ESCO2: variants seen among roughly 807,000 people sequenced by gnomAD.
The protein encoded by ESCO2 is N-acetyltransferase ESCO2.
A neutral mutation model predicts 61.7 loss-of-function variants in ESCO2; 51 were observed. The ratio of observed to expected loss-of-function variants is 0.83; its 90% CI spans 0.66 to 1.04. The LOEUF is 1.04. Ranked by LOEUF, ESCO2 falls within the 50% of genes least tolerant of loss-of-function variation. The pLI is 0.00. For missense variants in ESCO2, 692 were observed against 686.2 expected (o/e 1.01, Z -0.09); for synonymous variants, 230 against 238.2 (o/e 0.97, Z 0.32).
In ESCO2 at chr8:27,776,402, A is replaced by G. The variant is rs1563468344; in HGVS notation, c.94A>G (p.Lys32Glu). ...TGAAAATCTGTTTCCATCACCTAATAAAAAGCACTGTTTTTATCAAAACAG... is the reference window on the plus strand; with the variant it reads ...TGAAAATCTGTTTCCATCACCTAATGAAAAGCACTGTTTTTATCAAAACAG... Reference protein sequence around the residue: ...FTENLFPSPNKKHCFYQNSDK... With the variant: ...FTENLFPSPNEKHCFYQNSDK... The change falls in exon 3 of 11, where the codon AAA becomes GAA. Residue 32 changes from lysine to glutamate, a missense_variant. Coordinates refer to ENST00000305188, the MANE Select transcript of ESCO2 (RefSeq NM_001017420.3). 1.9e-6 allele frequency: 3 copies of G among 1,608,408 alleles called. No homozygotes were observed. Among genetic ancestry groups the G allele is most frequent in the Admixed American group, 1.7e-5 (1 of 59,182 alleles).
chr8:27,792,164 A>G (rs754732288), intron 8 of ESCO2, 112 bp downstream of exon 8: 2 of 972,180 alleles, frequency 2.1e-6, no homozygotes, highest in African/African-American at 1.6e-5. Flanking sequence ...TACCTGCTTA[A>G]TGATTACTTT....
Position 27,777,339 on chromosome 8 carries a change from T to G in ESCO2, c.861+170T>G, listed in dbSNP as rs150499257. ...TATTTATTTTAAGACAGGGTCTTTC[T>G]TTATGACCCAGGCTGTAGTGCAGTG... On this transcript the variant is annotated intron_variant, in intron 3 of 10. Transcript: ENST00000305188. The G allele has an allele frequency of 4.6e-3, 2,785 of 611,588 alleles. 31 individuals are homozygous for G. The highest frequency in any genetic ancestry group is 4.1e-3 in the Non-Finnish European group (1,574 of 385,718). 37.9% of individuals were successfully genotyped at this position (611,588 alleles called of 1,614,324 possible).
At chr8:27,782,522 C>T (rs1804947773) in intron 4 of ESCO2, among the ~76,000 whole-genome samples, 2 of 152,116 alleles carry the variant, frequency 1.3e-5, no homozygotes, top group African/African-American at 4.8e-5. Flanking sequence ...CCTTGGCCTC[C>T]CTTACCTTTC....
chr8:27,817,626 G>T (rs1805844075), downstream of ESCO2, among the ~76,000 whole-genome samples: 1 of 151,488 alleles, frequency 6.6e-6, no homozygotes, highest in Non-Finnish European at 1.5e-5. Context: ...AATATATCAG[G>T]TTATTATAAA....
chr8:27,817,430 T>C, downstream of ESCO2, among the ~76,000 whole-genome samples: 1 of 152,216 alleles, frequency 6.6e-6, no homozygotes, highest in East Asian at 1.9e-4. Flanking sequence ...GCATTTAAAA[T>C]AAGAAAAATA....
rs771411971 is a variant in ESCO2 at position 27,804,335 on chromosome 8, G to A, written c.*897G>A. 20 of 985,366 alleles carry A rather than the reference G, an allele frequency of 2.0e-5. No homozygotes were observed. Among genetic ancestry groups the A allele is most frequent in the South Asian group, 4.7e-5 (1 of 21,282 alleles). The allele number at this position is 985,366 out of a possible 1,614,324, so 61.0% of individuals were successfully genotyped here. A position where few individuals can be genotyped will look rare whatever the true frequency, so the allele number is the denominator to read the frequency against. On this transcript the variant is annotated 3_prime_UTR_variant, in exon 11 of 11. Transcript: ENST00000305188. ...TGGGAACCTGTTACTGACAATTGAT[G>A]TCATTAACAAAATGCCTAGTTGGAT...
chr8:27,814,886 A>G (rs1805780979), downstream of ESCO2, among the ~76,000 whole-genome samples: 1 of 152,202 alleles, frequency 6.6e-6, no homozygotes, highest in Admixed American at 6.5e-5. Context: ...ATAGTGTCAT[A>G]CAAACCTTTA....
upstream of ESCO2, chr8:27,772,608 C>T (rs1585385777): frequency 2.0e-6 from 3 of 1,498,258 alleles, no homozygotes; most frequent in African/African-American, 2.8e-5. Flanking sequence ...CTCAGGATAC[C>T]AGACTCGCGG....
upstream of ESCO2, chr8:27,774,455 T>A (rs1804733841): frequency 6.6e-6 from 1 of 152,228 alleles, no homozygotes; most frequent in African/African-American, 2.4e-5. Context: ...CAAGGGCTGG[T>A]GCTCCACCAA....
chr8:27,794,364 G>A (rs530233037), intron 9 of ESCO2, among the ~76,000 whole-genome samples: 108 of 152,302 alleles, frequency 7.1e-4, no homozygotes, highest in Non-Finnish European at 1.1e-3. Flanking sequence ...AATGTTGAAT[G>A]AGCATTTTTT....
chr8:27,790,543 G>T lies in ESCO2; in HGVS notation c.1264-1420G>T, dbSNP rs117292577. On this transcript the variant is annotated intron_variant, in intron 7 of 10. Transcript: ENST00000305188. ...CTTGGATTTTTTTAACCTTTTTGTG[G>T]TGTATATTGCTACAAAGAAAACATT... Among the ~76,000 whole-genome samples, 216 of 111,582 alleles carry T rather than the reference G, an allele frequency of 1.9e-3. 4 individuals are homozygous for T. The East Asian group carries it at 0.045, about 23-fold the overall frequency. 73.2% of individuals were successfully genotyped at this position (111,582 alleles called of 152,430 possible).
intron 7 of ESCO2, 28 bp from the exon 8 acceptor site, chr8:27,791,930 TTAAAC>T: frequency 6.3e-7 from 1 of 1,594,950 alleles, no homozygotes; most frequent in Non-Finnish European, 8.6e-7. Flanking sequence ...TCTTCACAAA[TTAAAC>T]TGTGACCCTT....
chr8:27,783,961 A>G (rs1482211652), intron 4 of ESCO2, 39 bp from the exon 5 acceptor site: 1 of 1,521,620 alleles, frequency 6.6e-7, no homozygotes, highest in South Asian at 1.1e-5. Flanking sequence ...CTTTGATTTT[A>G]TTTGGTAATA....
intron 10 of ESCO2, among the ~76,000 whole-genome samples, chr8:27,800,770 G>A (rs1805405963): frequency 6.6e-6 from 1 of 152,146 alleles, no homozygotes; most frequent in Non-Finnish European, 1.5e-5. Flanking sequence ...CAGCCATAAA[G>A]GAAATTCTGG....
At chr8:27,800,632 C>T (rs116525733) in intron 10 of ESCO2, among the ~76,000 whole-genome samples, 2,202 of 152,160 alleles carry the variant, frequency 0.014, 48 homozygotes, top group African/African-American at 0.045. Flanking sequence ...AACATGTCCA[C>T]ACAAAACCTT....
chr8:27,810,915 G>C (rs770428850), downstream of ESCO2: 6 of 1,216,464 alleles, frequency 4.9e-6, no homozygotes, highest in Non-Finnish European at 6.1e-6. Context: ...TCTTTAGTGT[G>C]AAATGAAGAG....
At chr8:27,800,049 T>C (rs1357481384) in intron 10 of ESCO2, among the ~76,000 whole-genome samples, 1 of 152,156 alleles carries the variant, frequency 6.6e-6, no homozygotes, top group African/African-American at 2.4e-5. Flanking sequence ...CAAATTGTTT[T>C]AGACTTAACA....
chr8:27,784,409 A>T (rs1804991635), intron 5 of ESCO2, among the ~76,000 whole-genome samples: 1 of 152,228 alleles, frequency 6.6e-6, no homozygotes, highest in Admixed American at 6.5e-5. Flanking sequence ...AGAAACTGTT[A>T]GTAATTTAGC....
At position 27,777,076 on chromosome 8, in the gene ESCO2, G is replaced by T. The variant is rs372611248; in HGVS notation, c.768G>T (p.Ala256=). 8.1e-6 allele frequency: 13 copies of T among 1,605,144 alleles called. No homozygotes were observed. In the African/African-American group the frequency reaches 9.4e-5, roughly 12 times the overall value. The change falls in exon 3 of 11, where the codon GCG becomes GCT. Residue 256 remains alanine, a synonymous_variant. Transcript: ENST00000305188. The part of the protein sequence containing the change: ...VETVSEKKTF[A]TRQVPKCLVL... Reference sequence around the variant, plus strand: ...CTGTCAGTGAAAAAAAAACTTTTGCGACAAGGCAAGTGCCAAAGTGCTTGG... The same window carrying T: ...CTGTCAGTGAAAAAAAAACTTTTGCTACAAGGCAAGTGCCAAAGTGCTTGG...
Sources: allele counts gnomAD v4.1 joint callset (sites outside exome capture counted in the v4.1 genomes callset), GRCh38; gene constraint gnomAD v4.1.1; transcripts MANE v1.5; gene names NCBI Gene and HGNC (gene_info 2026-07-23, HGNC 2026-07-21).